The following RFTN1 variants were observed in gnomAD, a reference collection of about 807,000 sequenced individuals.
RFTN1 encodes raftlin, lipid raft linker 1, also known as raftlin.
Under a neutral mutation model 46.5 loss-of-function variants are expected in RFTN1, and 26 were observed. The ratio of observed to expected loss-of-function variants is 0.56; its 90% CI spans 0.41 to 0.78. The LOEUF is 0.78. Ranked by LOEUF, RFTN1 falls within the 30% of genes least tolerant of loss-of-function variation. The pLI is 0.00. For synonymous variants in RFTN1, 261 were observed against 284.2 expected, an observed-to-expected ratio of 0.92 and a Z score of 0.82; for missense variants, 693 against 718.7, an observed-to-expected ratio of 0.96 and a Z score of 0.41.
At chr3:16,390,760 C>T (rs141776654) in intron 4 of RFTN1, among the ~76,000 whole-genome samples, 1 of 152,288 alleles carries the variant, frequency 6.6e-6, no homozygotes, top group Admixed American at 6.5e-5. Flanking sequence ...TCATTGCCCT[C>T]TGGGGAGTGT....
intron 7 of RFTN1, among the ~76,000 whole-genome samples, chr3:16,331,156 CTTGCCTTT>C (rs955045524): frequency 2.6e-5 from 4 of 152,154 alleles, no homozygotes; most frequent in African/African-American, 9.7e-5. Flanking sequence ...GGACTGAGAC[CTTGCCTTT>C]CACCAATTAG....
intron 3 of RFTN1, among the ~76,000 whole-genome samples, chr3:16,419,325 AAAG>A (rs1196437725): frequency 4.6e-5 from 7 of 152,188 alleles, no homozygotes; most frequent in African/African-American, 1.7e-4. Context: ...ACTGTGAAGT[AAAG>A]AAGAGTCATG....
Position 16,459,133 on chromosome 3 carries a change from G to C in RFTN1, c.146-25096C>G, listed in dbSNP as rs1218507545. ...TTTTTTGTAGAGATGAGGTTTCGCT[G>C]TTGCTCAGGCTAGTCTTGAACCCCT... On this transcript the variant is annotated intron_variant, in intron 2 of 9. Coordinates refer to ENST00000334133, the MANE Select transcript of RFTN1 (RefSeq NM_015150.2). This position sits in a 1 kb window ranked among gnomAD's most constrained non-coding sequence, Gnocchi z 4.2. Among the ~76,000 whole-genome samples, 1 of 152,038 alleles carries C rather than the reference G, an allele frequency of 6.6e-6. No individual in the cohort carries two copies. The highest frequency in any genetic ancestry group is 2.4e-5 in the African/African-American group (1 of 41,374).
intron 4 of RFTN1, among the ~76,000 whole-genome samples, chr3:16,406,604 C>G (rs567734449): frequency 1.6e-4 from 25 of 152,270 alleles, no homozygotes; most frequent in Middle Eastern, 3.4e-3. Flanking sequence ...CAGGATGATA[C>G]GATGGGCTTT....
Position 16,400,756 on chromosome 3 carries a change from A to AG in RFTN1, c.441+8618_441+8619insC. 6.6e-6 allele frequency among the ~76,000 whole-genome samples: 1 copy of AG among 152,196 alleles called. No individual in the cohort carries two copies. The highest frequency in any genetic ancestry group is 1.9e-4 in the East Asian group (1 of 5,196). On this transcript the variant is annotated intron_variant, in intron 4 of 9. Coordinates refer to ENST00000334133, the MANE Select transcript of RFTN1 (RefSeq NM_015150.2). The surrounding 1 kb of genome is among the most constrained non-coding windows in gnomAD (Gnocchi z 4.5). ...GGACAGAACAGGAAGATCACAGGCT[A>AG]ATAAAAATAGCAAGAGGACAGAGGA... is the stretch of plus-strand genomic sequence containing the variant.
In RFTN1 at chr3:16,348,372, A is replaced by G. The variant is rs1464876482; in HGVS notation, c.1146+9560T>C. Among the ~76,000 whole-genome samples, 1 of 151,952 alleles carries G rather than the reference A, an allele frequency of 6.6e-6. No homozygotes were observed. The highest frequency in any genetic ancestry group is 1.5e-5 in the Non-Finnish European group (1 of 67,972). The stretch of plus-strand genomic sequence containing the variant: ...ATATGTGTTCTAATTATAAAAAAAA[A>G]TTAATAGATGTGCCTTCTCTTCCAG... On this transcript the variant is annotated intron_variant, in intron 7 of 9. Transcript: ENST00000334133. This position sits in a 1 kb window ranked among gnomAD's most constrained non-coding sequence, Gnocchi z 6.3.
intron 7 of RFTN1, among the ~76,000 whole-genome samples, chr3:16,340,363 AAT>A (rs2071238524): frequency 6.6e-6 from 1 of 152,228 alleles, no homozygotes; most frequent in African/African-American, 2.4e-5. Flanking sequence ...TAGCTTACTG[AAT>A]GTTAAGATAC....
intron 1 of RFTN1, among the ~76,000 whole-genome samples, chr3:16,508,969 A>T (rs935728667): frequency 1.3e-5 from 2 of 152,244 alleles, no homozygotes; most frequent in African/African-American, 4.8e-5. Flanking sequence ...AGTGAGACGG[A>T]AGGACTGAAT....
chr3:16,509,297 TTG>T lies in RFTN1; in HGVS notation c.-9+4143_-9+4144del, dbSNP rs2076860740. ...TTTACATTTCTATTATAATATGGCT[TTG>T]TGTATTTGGAAATCCGTGATTGTAG... On this transcript the variant is annotated intron_variant, in intron 1 of 9. Transcript: ENST00000334133. This position sits in a 1 kb window ranked among gnomAD's most constrained non-coding sequence, Gnocchi z 4.9. Among the ~76,000 whole-genome samples, 1 of 152,198 alleles carries T rather than the reference TTG, an allele frequency of 6.6e-6. No homozygotes were observed. Among genetic ancestry groups the T allele is most frequent in the South Asian group, 2.1e-4 (1 of 4,828 alleles).
chr3:16,338,951 A>G lies in RFTN1; in HGVS notation c.1147-12075T>C, dbSNP rs2071114332. On this transcript the variant is annotated intron_variant, in intron 7 of 9. Coordinates refer to ENST00000334133, the MANE Select transcript of RFTN1 (RefSeq NM_015150.2). The surrounding 1 kb of genome is among the most constrained non-coding windows in gnomAD (Gnocchi z 5.3). ...AGTGGATTCCTAACAGCTTACTGAT[A>G]ATCATAAAATGCAAACCCAGAAGAG... Among the ~76,000 whole-genome samples the G allele has an allele frequency of 6.6e-6, 1 of 152,210 alleles. No homozygotes were observed. Among genetic ancestry groups the G allele is most frequent in the Non-Finnish European group, 1.5e-5 (1 of 68,042 alleles).
At chr3:16,396,857 G>GT (rs1339808567) in intron 4 of RFTN1, among the ~76,000 whole-genome samples, 4 of 152,186 alleles carry the variant, frequency 2.6e-5, no homozygotes, top group Non-Finnish European at 4.4e-5. Context: ...GAGGTCAGGA[G>GT]TTTGAGACCA....
In RFTN1 at chr3:16,334,984, C is replaced by T. The variant is rs2070708259; in HGVS notation, c.1147-8108G>A. Among the ~76,000 whole-genome samples the T allele has an allele frequency of 6.6e-6, 1 of 152,160 alleles. No individual in the cohort carries two copies. The highest frequency in any genetic ancestry group is 2.4e-5 in the African/African-American group (1 of 41,426). ...CGAGCCAAGGAACATGGGCAGCTTCCAGAAGCTGGCAATGGTCGGTAACAG... is the reference window on the plus strand; with the variant it reads ...CGAGCCAAGGAACATGGGCAGCTTCTAGAAGCTGGCAATGGTCGGTAACAG... On this transcript the variant is annotated intron_variant, in intron 7 of 9. Transcript: ENST00000334133. This position sits in a 1 kb window ranked among gnomAD's most constrained non-coding sequence, Gnocchi z 4.3.
intron 7 of RFTN1, among the ~76,000 whole-genome samples, chr3:16,343,789 C>T (rs1159716086): frequency 6.6e-6 from 1 of 152,208 alleles, no homozygotes; most frequent in African/African-American, 2.4e-5. Context: ...TGGCTGGTCC[C>T]TGACTCAAGG....
rs1278328207 is a variant in RFTN1 at position 16,380,493 on chromosome 3, T to C, written c.442-2391A>G. Among the ~76,000 whole-genome samples, 1 of 152,178 alleles carries C rather than the reference T, an allele frequency of 6.6e-6. No homozygotes were observed. The highest frequency in any genetic ancestry group is 1.5e-5 in the Non-Finnish European group (1 of 68,028). On this transcript the variant is annotated intron_variant, in intron 4 of 9. Transcript: ENST00000334133. The surrounding 1 kb of genome is among the most constrained non-coding windows in gnomAD (Gnocchi z 4.8). ...TTGGAGAGGCTTGGACACAGACACCTGCCCTTCTCCCACAACAAACCAGAC... is the reference window on the plus strand; with the variant it reads ...TTGGAGAGGCTTGGACACAGACACCCGCCCTTCTCCCACAACAAACCAGAC...
rs1413203119 is a variant in RFTN1, at chr3:16,388,593, C to T, written c.442-10491G>A. On this transcript the variant is annotated intron_variant, in intron 4 of 9. Coordinates refer to ENST00000334133, the MANE Select transcript of RFTN1 (RefSeq NM_015150.2). ...GGGGGTTGCAGGTCCAGAGACATGT[C>T]TCAAGAAAGCATTGCTGTTAAAATG... Among the ~76,000 whole-genome samples the T allele has an allele frequency of 2.6e-5, 4 of 152,204 alleles. No homozygotes were observed. The East Asian group carries it at 7.7e-4, about 29-fold the overall frequency.
At chr3:16,435,087 C>T (rs577476361) in intron 2 of RFTN1, among the ~76,000 whole-genome samples, 2 of 152,310 alleles carry the variant, frequency 1.3e-5, no homozygotes, top group South Asian at 4.1e-4. Context: ...TACATCCTAG[C>T]CCTATCCTCT....
At chr3:16,409,531 A>C in intron 3 of RFTN1, 48 bp from the exon 4 acceptor site, 1 of 1,338,336 alleles carries the variant, frequency 7.5e-7, no homozygotes. Flanking sequence ...TATCTTGCAT[A>C]ATTTGGAGAC....
In RFTN1 at chr3:16,317,211, C is replaced by G. The variant is rs371101800; in HGVS notation, c.1354G>C (p.Glu452Gln). 15 of 1,612,980 alleles carry G rather than the reference C, an allele frequency of 9.3e-6. No individual in the cohort carries two copies. In the African/African-American group the frequency reaches 1.5e-4, roughly 16 times the overall value. Residue 452 changes from glutamate to glutamine, a missense_variant, in exon 10 of 10, where the codon GAA becomes CAA. By Grantham distance (29) the Glu-to-Gln change is conservative. Transcript: ENST00000334133. The surrounding 1 kb of genome is among the most constrained non-coding windows in gnomAD (Gnocchi z 4.3). ...ESKFQWRFSR[E>Q]EMHNRQMRKS... is the part of the protein sequence containing the mutation. The stretch of plus-strand genomic sequence containing the variant: ...CTCATCTGCCTGTTGTGCATTTCTT[C>G]TCTGGAGAATCGCCACTGAAACTAG...
chr3:16,366,807 A>G (rs2073206459), intron 6 of RFTN1, among the ~76,000 whole-genome samples: 1 of 152,208 alleles, frequency 6.6e-6, no homozygotes, highest in Non-Finnish European at 1.5e-5. Context: ...AGCAACCGCT[A>G]GGTGTCCATG....
Sources: gnomAD v4.1 joint callset for allele counts (sites outside exome capture counted in the v4.1 genomes callset) on GRCh38, gnomAD v4.1.1 for gene constraint, Gnocchi (gnomAD v3.1) non-coding constraint, MANE v1.5 for transcripts, NCBI Gene and HGNC (gene_info 2026-07-23, HGNC 2026-07-21) for gene names.